SMYD4: variants seen among roughly 807,000 people sequenced by gnomAD.
SMYD4 encodes protein-lysine N-methyltransferase SMYD4.
SMYD4 carries 68 observed loss-of-function variants against 72.8 expected under a neutral mutation model. That is an observed-to-expected ratio of 0.93 (90% CI 0.77 to 1.14). The LOEUF (loss-of-function observed/expected upper bound fraction) is 1.14, where lower values mean the gene tolerates loss of function less well. Among genes scored for constraint, SMYD4 ranks in the 50% most tolerant of loss-of-function variants. The pLI, the probability that SMYD4 is intolerant of heterozygous loss-of-function variation, is 0.00. For synonymous variants in SMYD4, 407 were observed against 388.6 expected (o/e 1.05, Z -0.56); for missense variants, 984 against 1,003.7 (o/e 0.98, Z 0.27).
intron 10 of SMYD4, 61 bp from the exon 11 acceptor site, chr17:1,781,500 G>T: frequency 6.4e-7 from 1 of 1,566,402 alleles, no homozygotes; most frequent in Admixed American, 1.8e-5. Context: ...GTTAATTGAG[G>T]GCCTACTCAC....
intron 2 of SMYD4, among the ~76,000 whole-genome samples, chr17:1,825,265 A>T (rs1911104505): frequency 6.6e-6 from 1 of 152,236 alleles, no homozygotes; most frequent in Non-Finnish European, 1.5e-5. Flanking sequence ...TTCACATAGT[A>T]CACAAAATCA....
chr17:1,828,344 CTG>C (rs1374605409), intron 1 of SMYD4, among the ~76,000 whole-genome samples: 1 of 146,682 alleles, frequency 6.8e-6, no homozygotes, highest in Non-Finnish European at 1.5e-5. Flanking sequence ...GAGCAAGACT[CTG>C]TCTCGGAAAA....
chr17:1,812,541 ATTTCT>A (rs1456501799), intron 2 of SMYD4, among the ~76,000 whole-genome samples: 73 of 131,364 alleles, frequency 5.6e-4, no homozygotes, highest in African/African-American at 2.0e-3. Flanking sequence ...GATCAGCAGA[ATTTCT>A]TTTTTTTTTT....
At chr17:1,785,606 A>G (rs1016273390) in intron 7 of SMYD4, among the ~76,000 whole-genome samples, 3 of 151,732 alleles carry the variant, frequency 2.0e-5, no homozygotes, top group Non-Finnish European at 2.9e-5. Flanking sequence ...CTAAAAATAC[A>G]AAGATTAGCT....
chr17:1,816,908 AT>A (rs536888490), intron 2 of SMYD4, among the ~76,000 whole-genome samples: 1 of 151,608 alleles, frequency 6.6e-6, no homozygotes, highest in Non-Finnish European at 1.5e-5. Flanking sequence ...TTTTAATCTG[AT>A]TTTTTTGTTA....
intron 2 of SMYD4, among the ~76,000 whole-genome samples, chr17:1,819,904 C>A (rs1292569389): frequency 6.6e-6 from 1 of 152,152 alleles, no homozygotes; most frequent in Non-Finnish European, 1.5e-5. Context: ...TCTTCTGCCT[C>A]AGCCTCCCAA....
intron 3 of SMYD4, among the ~76,000 whole-genome samples, chr17:1,807,651 C>T (rs1275954975): frequency 2.0e-5 from 3 of 152,226 alleles, no homozygotes; most frequent in Non-Finnish European, 2.9e-5. Flanking sequence ...GTGCGAGCCA[C>T]CGCGCCCGGC....
chr17:1,800,390 C>T lies in SMYD4; in HGVS notation c.1004G>A (p.Cys335Tyr). ...TGTGAGAAGCAGCCCTCCCAGAGGA[C>T]ATTCTGTCCTGTGGTAGAGCTCCCA... ...QAWELYHRTE[C>Y]PLGGLLLTLG... is the part of the protein sequence containing the mutation. Residue 335 changes from cysteine (C) to tyrosine (Y), a missense_variant, in exon 5 of 11, where the codon TGT becomes TAT. Physicochemically the swap from Cys to Tyr is radical, Grantham distance 194 (BLOSUM62 -2). Coordinates refer to ENST00000305513, the MANE Select transcript of SMYD4 (RefSeq NM_052928.3). The T allele has an allele frequency of 6.2e-7, 1 of 1,614,176 alleles. No homozygotes were observed.
chr17:1,827,353 GAA>G (rs529472874), intron 2 of SMYD4, among the ~76,000 whole-genome samples: 25 of 118,948 alleles, frequency 2.1e-4, no homozygotes, highest in Non-Finnish European at 2.8e-4. Flanking sequence ...AAGAAAAAAA[GAA>G]AAAAAAAAAA....
At chr17:1,804,206 T>C in intron 4 of SMYD4, 1 of 177,902 alleles carries the variant, frequency 5.6e-6, no homozygotes, top group Non-Finnish European at 1.2e-5. Context: ...AGTCTCACTC[T>C]GTCACCCAGG....
chr17:1,797,318 T>C (rs936549876), intron 5 of SMYD4, among the ~76,000 whole-genome samples: 1 of 152,208 alleles, frequency 6.6e-6, no homozygotes, highest in South Asian at 2.1e-4. Flanking sequence ...AATGAACGGA[T>C]TGAGTCAAAA....
chr17:1,781,314 GGTAA>G lies in SMYD4; in HGVS notation c.2383_2386del (p.Leu795HisfsTer5), dbSNP rs1908348931. 6.2e-7 allele frequency: 1 copy of G among 1,613,604 alleles called. No individual in the cohort carries two copies. Among genetic ancestry groups the G allele is most frequent in the East Asian group, 2.2e-5 (1 of 44,880 alleles). ...CAATGCAGGCCCTACAGGGGTGGGT[GGTAA>G]GTCCAACAAACAGGATTTCATCTTC... On this transcript the variant is annotated frameshift_variant, in exon 11 of 11. Transcript: ENST00000305513. LOFTEE classifies it high-confidence loss of function.
intron 2 of SMYD4, among the ~76,000 whole-genome samples, chr17:1,819,186 G>A (rs531394044): frequency 3.3e-5 from 5 of 151,592 alleles, no homozygotes; most frequent in Non-Finnish European, 5.9e-5. Flanking sequence ...GTGAAACCCC[G>A]TCTCTACTAA....
At chr17:1,782,515 A>G (rs1908419145) in intron 10 of SMYD4, 1 of 150,788 alleles carries the variant, frequency 6.6e-6, no homozygotes, top group Non-Finnish European at 1.5e-5. Context: ...GCAATGCCAC[A>G]TGTTGTCTGG....
rs1909626026 is a variant in SMYD4 at position 1,800,002 on chromosome 17, A to C, written c.1392T>G (p.Thr464=). 1 of 1,614,064 alleles carries C rather than the reference A, an allele frequency of 6.2e-7. No homozygotes were observed. Among genetic ancestry groups the C allele is most frequent in the African/African-American group, 1.3e-5 (1 of 74,932 alleles). The stretch of plus-strand genomic sequence containing the variant: ...GCTGAGAGGAGTTCACAATCCTCTC[A>C]GTTGGGATGGCCTGTAAACTGGCTG... ...LEAASLQAIP[T]ERIVNSSQLK... is the part of the protein sequence containing the mutation. The change falls in exon 5 of 11, where the codon ACT becomes ACG. Residue 464 remains threonine (T), a synonymous_variant. Transcript: ENST00000305513.
At chr17:1,803,606 T>C (rs1909881451) in intron 4 of SMYD4, among the ~76,000 whole-genome samples, 1 of 151,942 alleles carries the variant, frequency 6.6e-6, no homozygotes, top group Non-Finnish European at 1.5e-5. Context: ...TTCAAGAGAT[T>C]CTCCTGCCTC....
At chr17:1,785,428 CA>C (rs1465433909) in intron 7 of SMYD4, among the ~76,000 whole-genome samples, 1 of 43,482 alleles carries the variant, frequency 2.3e-5, no homozygotes, top group African/African-American at 1.0e-4. Flanking sequence ...CTCTGTCTCA[CA>C]AAAGAAAAAG....
intron 2 of SMYD4, among the ~76,000 whole-genome samples, chr17:1,823,393 CAAAAAAAAAAAA>C (rs57044082): frequency 1.7e-4 from 11 of 65,610 alleles, no homozygotes; most frequent in African/African-American, 1.8e-4. Context: ...GACTCCGTCT[CAAAAAAAAAAAA>C]AAAAAAAAAA....
At position 1,790,986 on chromosome 17, in the gene SMYD4, G is replaced by T. The variant is rs189327442; in HGVS notation, c.1538-3382C>A. ...CTAAAAATACAAAAAAATTAGCCGG[G>T]CATGGTGGTGGGCGCCTGTAGTCCC... On this transcript the variant is annotated intron_variant, in intron 5 of 10. Coordinates refer to ENST00000305513, the MANE Select transcript of SMYD4 (RefSeq NM_052928.3). 1.3e-4 allele frequency among the ~76,000 whole-genome samples: 20 copies of T among 151,514 alleles called. No individual in the cohort carries two copies. The East Asian group carries it at 3.9e-3, about 30-fold the overall frequency.
Sources: gnomAD v4.1 joint callset for allele counts (sites outside exome capture counted in the v4.1 genomes callset) on GRCh38, gnomAD v4.1.1 for gene constraint, MANE v1.5 for transcripts, NCBI Gene and HGNC (gene_info 2026-07-23, HGNC 2026-07-21) for gene names.